The following PKIA variants were observed in gnomAD, a reference collection of about 807,000 sequenced individuals.
PKIA encodes the protein cAMP-dependent protein kinase inhibitor alpha.
A neutral mutation model predicts 7.6 loss-of-function variants in PKIA; 4 were observed. The ratio of observed to expected loss-of-function variants is 0.52; its 90% confidence interval spans 0.26 to 1.20. The LOEUF (loss-of-function observed/expected upper bound fraction) is 1.20. Among genes scored for constraint, PKIA ranks in the 50% most tolerant of loss-of-function variants. The pLI, the probability that PKIA is intolerant of heterozygous loss-of-function variation, is 0.13. For missense variants in PKIA, 73 were observed against 86.2 expected, an observed-to-expected ratio of 0.85 and a Z score of 0.61; for synonymous variants, 21 against 30.7, an observed-to-expected ratio of 0.68 and a Z score of 1.04.
At chr8:78,546,176 T>A (rs1045347974) in intron 1 of PKIA, among the ~76,000 whole-genome samples, 1 of 152,210 alleles carries the variant, frequency 6.6e-6, no homozygotes, top group Non-Finnish European at 1.5e-5. Flanking sequence ...CCTGGGGACA[T>A]GACTAGTTTA....
At chr8:78,563,526 A>C (rs1807334053) in intron 1 of PKIA, among the ~76,000 whole-genome samples, 1 of 152,200 alleles carries the variant, frequency 6.6e-6, no homozygotes, top group African/African-American at 2.4e-5. Context: ...AAAGCATAAC[A>C]GTATTTTTGT....
chr8:78,583,158 C>G (rs553032131), intron 2 of PKIA, among the ~76,000 whole-genome samples: 60 of 152,188 alleles, frequency 3.9e-4, no homozygotes, highest in Middle Eastern at 3.4e-3. Context: ...AGAAGAATAC[C>G]ATACTTTGTG....
chr8:78,600,005 G>A (rs1808316598), intron 3 of PKIA, among the ~76,000 whole-genome samples: 2 of 150,030 alleles, frequency 1.3e-5, no homozygotes, highest in Admixed American at 1.3e-4. Flanking sequence ...AATTTCATAT[G>A]CATTATTTTA....
chr8:78,522,709 G>C (rs912624655), intron 1 of PKIA, among the ~76,000 whole-genome samples: 1 of 151,816 alleles, frequency 6.6e-6, no homozygotes, highest in African/African-American at 2.4e-5. Context: ...GTTAAGTCTT[G>C]TAATAACAAT....
intron 1 of PKIA, among the ~76,000 whole-genome samples, chr8:78,546,360 T>C (rs2118440102): frequency 6.6e-6 from 1 of 152,354 alleles, no homozygotes; most frequent in Admixed American, 6.5e-5. Context: ...ATTACAATTT[T>C]AAATTATAAT....
chr8:78,591,890 A>G (rs1354612985), intron 2 of PKIA, among the ~76,000 whole-genome samples: 1 of 152,158 alleles, frequency 6.6e-6, no homozygotes, highest in African/African-American at 2.4e-5. Flanking sequence ...AAGTCAGAAT[A>G]TGTGCTAGTT....
At chr8:78,524,182 TTATA>T (rs1342859825) in intron 1 of PKIA, among the ~76,000 whole-genome samples, 1 of 135,274 alleles carries the variant, frequency 7.4e-6, no homozygotes, top group Non-Finnish European at 1.5e-5. Context: ...ACATTTATAT[TTATA>T]TATAAACATT....
intron 2 of PKIA, among the ~76,000 whole-genome samples, chr8:78,589,551 G>C (rs1054825514): frequency 6.6e-6 from 1 of 152,198 alleles, no homozygotes; most frequent in African/African-American, 2.4e-5. Context: ...GCCATTCGGG[G>C]TGGGGAAGAA....
chr8:78,582,952 A>G (rs1181557503), intron 2 of PKIA, among the ~76,000 whole-genome samples: 8 of 152,144 alleles, frequency 5.3e-5, no homozygotes, highest in Admixed American at 5.2e-4. Context: ...CCTGTTTTCA[A>G]CAATTTCTCA....
At chr8:78,552,778 GAATA>G (rs1355391513) in intron 1 of PKIA, among the ~76,000 whole-genome samples, 2 of 151,922 alleles carry the variant, frequency 1.3e-5, no homozygotes, top group African/African-American at 4.8e-5. Context: ...TCTTTCCATA[GAATA>G]AATAATGATA....
chr8:78,565,433 T>G (rs970620524), intron 1 of PKIA, among the ~76,000 whole-genome samples: 1 of 152,014 alleles, frequency 6.6e-6, no homozygotes, highest in Admixed American at 6.6e-5. Flanking sequence ...TGAATTATAA[T>G]TTGGTCTTCT....
At chr8:78,530,946 G>T (rs1397477046) in intron 1 of PKIA, among the ~76,000 whole-genome samples, 1 of 152,034 alleles carries the variant, frequency 6.6e-6, no homozygotes, top group Non-Finnish European at 1.5e-5. Context: ...ATCTGCCTTA[G>T]TTTGTTAATG....
intron 1 of PKIA, among the ~76,000 whole-genome samples, chr8:78,571,858 T>C (rs1417212043): frequency 6.6e-6 from 1 of 152,126 alleles, no homozygotes; most frequent in Non-Finnish European, 1.5e-5. Context: ...TGCTGAGGGC[T>C]GGCTCATTGT....
chr8:78,595,303 G>A (rs1808201470), intron 2 of PKIA, among the ~76,000 whole-genome samples: 1 of 152,140 alleles, frequency 6.6e-6, no homozygotes, highest in South Asian at 2.1e-4. Context: ...ATTAAAGACA[G>A]CATCAGTATA....
intron 1 of PKIA, among the ~76,000 whole-genome samples, chr8:78,522,503 A>C (rs1809435089): frequency 6.6e-6 from 1 of 151,968 alleles, no homozygotes; most frequent in Non-Finnish European, 1.5e-5. Flanking sequence ...AATGTTCTGG[A>C]ACCCTTTCAT....
At chr8:78,516,978 T>G (rs1046529734) in intron 1 of PKIA, among the ~76,000 whole-genome samples, 3 of 152,144 alleles carry the variant, frequency 2.0e-5, no homozygotes, top group African/African-American at 7.2e-5. Context: ...AGAGCCTCTA[T>G]CTGGAGGGGA....
intron 1 of PKIA, among the ~76,000 whole-genome samples, chr8:78,524,147 T>C (rs1260108124): frequency 7.2e-6 from 1 of 139,682 alleles, no homozygotes; most frequent in Non-Finnish European, 1.5e-5. Context: ...TAAACATTTA[T>C]ATTTATATAT....
rs1042235347 is a variant in PKIA at position 78,604,575 on chromosome 8, A to G, written c.*2754A>G. 11 of 151,998 alleles carry G rather than the reference A, an allele frequency of 7.2e-5. No individual in the cohort carries two copies. Among genetic ancestry groups the G allele is most frequent in the African/African-American group, 2.7e-4 (11 of 41,416 alleles). 9.4% of individuals were successfully genotyped at this position (151,998 alleles called of 1,614,324 possible). A position where few individuals can be genotyped will look rare whatever the true frequency, so the allele number is the denominator to read the frequency against. On this transcript the variant is annotated 3_prime_UTR_variant, in exon 4 of 4. Transcript: ENST00000396418. ...TAACACAGATATGAGTAGGTCACAT[A>G]AAGTATATCTTTTTTAAAAAAAAGA...
intron 2 of PKIA, among the ~76,000 whole-genome samples, chr8:78,596,500 G>C (rs1055220689): frequency 6.6e-6 from 1 of 152,186 alleles, no homozygotes; most frequent in South Asian, 2.1e-4. Flanking sequence ...TGGCCTCCCA[G>C]AGTGCTGGGA....
Sources: gnomAD v4.1 joint callset for allele counts (sites outside exome capture counted in the v4.1 genomes callset) on GRCh38, gnomAD v4.1.1 for gene constraint, MANE v1.5 for transcripts, NCBI Gene and HGNC (gene_info 2026-07-23, HGNC 2026-07-21) for gene names.